The following SAXO1 variants were observed in gnomAD, a reference collection of about 807,000 sequenced individuals.
The protein encoded by SAXO1 is 4930500O09Rik.
Under a neutral mutation model 17.5 loss-of-function variants are expected in SAXO1, and 21 were observed. The observed-to-expected ratio is 1.20, with a 90% CI of 0.85 to 1.72. The LOEUF is 1.72. Among genes scored for constraint, SAXO1 ranks in the 40% most tolerant of loss-of-function variants. The probability of loss-of-function intolerance (pLI) is 0.00; values close to 1 mark genes in which losing one functional copy is unlikely to be tolerated. For synonymous variants in SAXO1, 274 were observed against 216.5 expected (o/e 1.27, Z -2.33); for missense variants, 843 against 596.0 (o/e 1.41, Z -4.32).
intron 1 of SAXO1, among the ~76,000 whole-genome samples, chr9:18,976,054 G>T (rs1157473815): frequency 1.3e-5 from 2 of 152,220 alleles, no homozygotes; most frequent in African/African-American, 2.4e-5. Flanking sequence ...ATCAGTCACA[G>T]TGCCTATGTC....
At chr9:19,001,141 T>C (rs1258588346) in intron 1 of SAXO1, among the ~76,000 whole-genome samples, 2 of 152,230 alleles carry the variant, frequency 1.3e-5, no homozygotes, top group Non-Finnish European at 2.9e-5. Flanking sequence ...ATATACATTC[T>C]TCTCAGCATT....
At chr9:18,998,086 A>G (rs1834087013) in intron 1 of SAXO1, among the ~76,000 whole-genome samples, 1 of 152,180 alleles carries the variant, frequency 6.6e-6, no homozygotes, top group South Asian at 2.1e-4. Flanking sequence ...ACTCCTCACC[A>G]GGGAACAAAA....
intron 1 of SAXO1, chr9:19,027,204 T>C: frequency 8.4e-7 from 1 of 1,184,078 alleles, no homozygotes; most frequent in Non-Finnish European, 1.3e-6. Flanking sequence ...GAAGGACAAG[T>C]GTGCTGTGAT....
At chr9:18,936,304 A>C (rs754698467) in intron 3 of SAXO1, among the ~76,000 whole-genome samples, 3 of 152,184 alleles carry the variant, frequency 2.0e-5, no homozygotes, top group African/African-American at 7.2e-5. Context: ...TCTTGAAAGC[A>C]TTAGGGGGCC....
intron 1 of SAXO1, among the ~76,000 whole-genome samples, chr9:18,983,410 C>A (rs772530128): frequency 1.4e-4 from 21 of 152,132 alleles, no homozygotes; most frequent in Admixed American, 7.9e-4. Flanking sequence ...AGATCCCTCC[C>A]TCAACATGTA....
intron 1 of SAXO1, among the ~76,000 whole-genome samples, chr9:19,022,055 C>T (rs144864746): frequency 6.6e-6 from 1 of 152,188 alleles, no homozygotes; most frequent in Non-Finnish European, 1.5e-5. Flanking sequence ...GCTGCTCACT[C>T]CTTGGGTCCG....
chr9:18,985,137 G>T (rs1247649741), intron 1 of SAXO1, among the ~76,000 whole-genome samples: 1 of 151,972 alleles, frequency 6.6e-6, no homozygotes, highest in Non-Finnish European at 1.5e-5. Context: ...GGAGAGAGAT[G>T]CGAGAATGGC....
chr9:19,030,249 G>T (rs533055856), intron 1 of SAXO1, among the ~76,000 whole-genome samples: 1 of 152,206 alleles, frequency 6.6e-6, no homozygotes, highest in Non-Finnish European at 1.5e-5. Flanking sequence ...AATTCAAGGT[G>T]TAGTTTCATG....
At chr9:18,947,844 T>C (rs896991007) in intron 2 of SAXO1, 2 of 152,090 alleles carry the variant, frequency 1.3e-5, no homozygotes, top group African/African-American at 4.8e-5. Flanking sequence ...TCAGTAAGAG[T>C]TGTGTGCAGT....
At chr9:19,014,136 G>A (rs1251950524) in intron 1 of SAXO1, among the ~76,000 whole-genome samples, 1 of 152,100 alleles carries the variant, frequency 6.6e-6, no homozygotes, top group Admixed American at 6.6e-5. Context: ...AATTTGTTCT[G>A]TAATCAATGG....
intron 1 of SAXO1, among the ~76,000 whole-genome samples, chr9:19,045,417 G>C (rs1415432226): frequency 2.2e-5 from 3 of 137,474 alleles, no homozygotes; most frequent in Non-Finnish European, 3.1e-5. Flanking sequence ...TCTCATCTAA[G>C]ACTAGCAGTT....
At chr9:19,017,035 A>G (rs1270351727) in intron 1 of SAXO1, among the ~76,000 whole-genome samples, 1 of 152,064 alleles carries the variant, frequency 6.6e-6, no homozygotes, top group African/African-American at 2.4e-5. Flanking sequence ...TGGGCCTGGC[A>G]TGGTGGCTCA....
intron 1 of SAXO1, chr9:19,028,084 A>T (rs1835583668): frequency 6.8e-6 from 11 of 1,612,010 alleles, no homozygotes; most frequent in South Asian, 1.1e-5. Context: ...CATGGAAGGC[A>T]TCCTGGAGGT....
At chr9:18,962,039 T>C (rs924185700) in intron 1 of SAXO1, among the ~76,000 whole-genome samples, 7 of 152,170 alleles carry the variant, frequency 4.6e-5, no homozygotes, top group African/African-American at 1.7e-4. Flanking sequence ...TGAGATGGTA[T>C]CTCATTGTGT....
intron 1 of SAXO1, among the ~76,000 whole-genome samples, chr9:19,043,456 G>C (rs1274330482): frequency 6.6e-6 from 1 of 151,834 alleles, no homozygotes; most frequent in East Asian, 1.9e-4. Flanking sequence ...ACAAAAAGTA[G>C]TTAGAAAGAA....
intron 1 of SAXO1, among the ~76,000 whole-genome samples, chr9:18,994,244 GTT>G (rs1284714284): frequency 6.6e-6 from 1 of 152,088 alleles, no homozygotes; most frequent in Non-Finnish European, 1.5e-5. Context: ...GTGTACGTGT[GTT>G]TTTACATGTA....
intron 1 of SAXO1, among the ~76,000 whole-genome samples, chr9:18,990,767 A>C (rs916973303): frequency 6.6e-6 from 1 of 152,206 alleles, no homozygotes; most frequent in African/African-American, 2.4e-5. Context: ...TGCAAACCCT[A>C]TCAGTGAACT....
intron 1 of SAXO1, among the ~76,000 whole-genome samples, chr9:19,025,355 C>T (rs1835430859): frequency 6.6e-6 from 1 of 151,854 alleles, no homozygotes; most frequent in African/African-American, 2.4e-5. Context: ...AATATGAAAC[C>T]AAGTCCTCAA....
intron 1 of SAXO1, among the ~76,000 whole-genome samples, chr9:19,000,384 G>A (rs1228185272): frequency 6.8e-6 from 1 of 147,454 alleles, no homozygotes; most frequent in Non-Finnish European, 1.5e-5. Context: ...AACTGACTGG[G>A]AAGTGAGGAG....
Sources: allele counts gnomAD v4.1 joint callset (sites outside exome capture counted in the v4.1 genomes callset), GRCh38; gene constraint gnomAD v4.1.1; transcripts MANE v1.5; gene names NCBI Gene and HGNC (gene_info 2026-07-23, HGNC 2026-07-21).